Variants in MICAL1 observed in about 807,000 individuals in gnomAD.
MICAL1 encodes [F-actin]-monooxygenase MICAL1.
MICAL1 carries 95 observed loss-of-function variants against 131.8 expected under a neutral mutation model. The observed-to-expected ratio is 0.72, with a 90% CI of 0.61 to 0.86. The LOEUF is 0.86. Among genes scored for constraint, MICAL1 ranks in the 40% least tolerant of loss-of-function variants. The pLI, the probability that MICAL1 is intolerant of heterozygous loss-of-function variation, is 0.00. For missense variants in MICAL1, 1,292 were observed against 1,380.6 expected, an observed-to-expected ratio of 0.94 and a Z score of 1.02; for synonymous variants, 546 against 554.2, an observed-to-expected ratio of 0.99 and a Z score of 0.21.
At chr6:109,464,798 C>T (rs1775993645) in intron 1 of MICAL1, 1 of 151,980 alleles carries the variant, frequency 6.6e-6, no homozygotes, top group Non-Finnish European at 1.5e-5. Context: ...ACAGTGAGAC[C>T]CTGTCTCTAA....
upstream of MICAL1, among the ~76,000 whole-genome samples, chr6:109,456,189 CGA>C (rs1316731616): frequency 2.6e-5 from 4 of 152,214 alleles, no homozygotes; most frequent in Admixed American, 6.5e-5. Context: ...CGCCGCAAGG[CGA>C]GGACCACCCG....
Position 109,448,830 on chromosome 6 carries a change from T to C in MICAL1, c.1566A>G (p.Thr522=), listed in dbSNP as rs1775374212. The change falls in exon 12 of 25, where the codon ACA becomes ACG. Residue 522 remains threonine (T), a synonymous_variant. Transcript: ENST00000358807. ...EELLRWCQEQ[T]AGYPGVHVSD... ...AGACGTGGACTCCCGGGTACCCAGCTGTCTGCTCCTGGCACCAGCGTAGCA... is the reference window on the plus strand; with the variant it reads ...AGACGTGGACTCCCGGGTACCCAGCCGTCTGCTCCTGGCACCAGCGTAGCA... 6.2e-7 allele frequency: 1 copy of C among 1,613,926 alleles called. No individual in the cohort carries two copies. Among genetic ancestry groups the C allele is most frequent in the Admixed American group, 1.7e-5 (1 of 60,008 alleles).
intron 7 of MICAL1, 106 bp from the exon 8 acceptor site, chr6:109,450,663 G>A (rs557730359): frequency 1.5e-6 from 2 of 1,298,154 alleles, no homozygotes; most frequent in East Asian, 2.5e-5. Flanking sequence ...GCCCAGAGAA[G>A]GAAGGGGCTG....
chr6:109,452,123 C>A (rs1228935416), intron 6 of MICAL1, 123 bp downstream of exon 6: 6 of 1,468,244 alleles, frequency 4.1e-6, no homozygotes, highest in Non-Finnish European at 5.4e-6. Flanking sequence ...TCCTTTGCTG[C>A]TGAGACCAAA....
chr6:109,453,247 G>T lies in MICAL1; in HGVS notation c.571+16C>A. 6.3e-7 allele frequency: 1 copy of T among 1,595,914 alleles called. No individual in the cohort carries two copies. Among genetic ancestry groups the T allele is most frequent in the Non-Finnish European group, 8.6e-7 (1 of 1,163,630 alleles). On this transcript the variant is annotated intron_variant, in intron 4 of 24. Coordinates refer to ENST00000358807, the MANE Select transcript of MICAL1 (RefSeq NM_022765.4). Reference sequence around the variant, plus strand: ...ATGGGGGAGGGGGAGATTCCAGGGAGCATAGAAATACTTACCCTTCCTAGG... The same window carrying T: ...ATGGGGGAGGGGGAGATTCCAGGGATCATAGAAATACTTACCCTTCCTAGG...
In MICAL1 at chr6:109,448,767, CAG is replaced by C. The variant is rs767752110; in HGVS notation, c.1627_1628del (p.Leu543ValfsTer36). On this transcript the variant is annotated frameshift_variant, in exon 12 of 25. Transcript: ENST00000358807. LOFTEE classifies it high-confidence loss of function. ...GCTGCAGCCGGTACACCAGGGCACA[CAG>C]AGCTAGCCCATCAGCCCAGGAGGAA... Reference protein sequence around the residue: ...LSSSWADGLALCALVYRLQPG... With the variant: ...LSSSWADGLAXCALVYRLQPG... 2 of 1,614,086 alleles carry C rather than the reference CAG, an allele frequency of 1.2e-6. No homozygotes were observed. Among genetic ancestry groups the C allele is most frequent in the Non-Finnish European group, 1.7e-6 (2 of 1,179,986 alleles).
exon 1 of MICAL1, chr6:109,465,859 G>A (rs201165223): frequency 4.4e-5 from 71 of 1,614,064 alleles, no homozygotes; most frequent in Non-Finnish European, 5.9e-6. Context: ...GGTCAGCTCT[G>A]CTCCTGGCCA....
At chr6:109,461,775 T>C (rs1775893514) in intron 1 of MICAL1, among the ~76,000 whole-genome samples, 1 of 152,106 alleles carries the variant, frequency 6.6e-6, no homozygotes, top group Non-Finnish European at 1.5e-5. Context: ...AATAAGAAAA[T>C]TGTCCTTTTC....
At chr6:109,449,012 T>A in intron 11 of MICAL1, 133 bp from the exon 12 acceptor site, 1 of 1,160,932 alleles carries the variant, frequency 8.6e-7, no homozygotes, top group Non-Finnish European at 1.2e-6. Context: ...GGCACCAGCC[T>A]AAAGCTGACT....
At chr6:109,448,100 A>C in intron 13 of MICAL1, 103 bp downstream of exon 13, 1 of 1,269,648 alleles carries the variant, frequency 7.9e-7, no homozygotes, top group Non-Finnish European at 1.1e-6. Context: ...TCTTTCTGAC[A>C]CACACACACA....
chr6:109,444,434 G>T, intron 24 of MICAL1, 95 bp from the exon 25 acceptor site: 1 of 1,553,696 alleles, frequency 6.4e-7, no homozygotes, highest in East Asian at 2.3e-5. Context: ...TCTATAACCC[G>T]GGCTTTGTTT....
chr6:109,452,068 A>T, intron 6 of MICAL1, 178 bp downstream of exon 6: 1 of 1,421,248 alleles, frequency 7.0e-7, no homozygotes, highest in Non-Finnish European at 9.2e-7. Context: ...CTGGGTGATC[A>T]ACTAGGGCTG....
upstream of MICAL1, chr6:109,455,808 G>A: frequency 4.0e-6 from 1 of 249,326 alleles, no homozygotes; most frequent in Non-Finnish European, 6.2e-6. This position sits in a 1 kb window ranked among gnomAD's most constrained non-coding sequence, Gnocchi z 4.7. Context: ...GGCGGGGGCG[G>A]AAACGCCGAG....
intron 20 of MICAL1, 40 bp downstream of exon 20, chr6:109,445,731 G>T: frequency 1.3e-6 from 2 of 1,589,582 alleles, no homozygotes; most frequent in Non-Finnish European, 1.7e-6. Flanking sequence ...TCCTGTAGTG[G>T]GCTGGAGAGC....
upstream of MICAL1, chr6:109,456,043 C>T: frequency 5.1e-6 from 5 of 986,108 alleles, no homozygotes; most frequent in Non-Finnish European, 6.0e-6. Context: ...ACACCCCGTT[C>T]CGCTCTGGGG....
chr6:109,444,498 T>C (rs1255709533), intron 24 of MICAL1, among the ~76,000 whole-genome samples, 159 bp from the exon 25 acceptor site: 1 of 152,240 alleles, frequency 6.6e-6, no homozygotes, highest in African/African-American at 2.4e-5. Flanking sequence ...CTAGCACTAC[T>C]GAGCAGCACG....
chr6:109,448,940 G>A, intron 11 of MICAL1, 61 bp from the exon 12 acceptor site: 1 of 1,595,030 alleles, frequency 6.3e-7, no homozygotes, highest in Non-Finnish European at 8.5e-7. Context: ...CATATAGGGA[G>A]CCCAGCTGCT....
intron 24 of MICAL1, 149 bp downstream of exon 24, chr6:109,444,576 G>A: frequency 9.5e-7 from 1 of 1,052,132 alleles, no homozygotes; most frequent in Non-Finnish European, 1.4e-6. Flanking sequence ...AGTGAGAAGG[G>A]GCTTTGGAGC....
At chr6:109,446,446 G>A (rs1360765756) in intron 18 of MICAL1, 34 bp from the exon 19 acceptor site, 1 of 604,884 alleles carries the variant, frequency 1.7e-6, no homozygotes, top group Admixed American at 4.3e-5. Context: ...GAGGTCGGGG[G>A]GTGAGGCCAC....
Sources: gnomAD v4.1 joint callset for allele counts (sites outside exome capture counted in the v4.1 genomes callset) on GRCh38, gnomAD v4.1.1 for gene constraint, Gnocchi (gnomAD v3.1) non-coding constraint, MANE v1.5 for transcripts, NCBI Gene and HGNC (gene_info 2026-07-23, HGNC 2026-07-21) for gene names.